Variants in SCN8A observed in about 807,000 individuals in gnomAD.
SCN8A encodes sodium voltage-gated channel alpha subunit 8, also known as sodium channel protein type 8 subunit alpha.
In SCN8A, 30 loss-of-function variants were observed where a neutral mutation model predicts 184.1. The observed-to-expected ratio is 0.16, with a 90% CI of 0.12 to 0.22. The LOEUF (loss-of-function observed/expected upper bound fraction) is 0.22, where lower values mean the gene tolerates loss of function less well. Ranked by LOEUF, SCN8A falls within the 10% of genes least tolerant of loss-of-function variation. The pLI, the probability that SCN8A is intolerant of heterozygous loss-of-function variation, is 1.00. For synonymous variants in SCN8A, 852 were observed against 907.0 expected (o/e 0.94, Z 1.09); for missense variants, 1,057 against 2,498.9 (o/e 0.42, Z 12.30).
At chr12:51,783,538 A>G (rs942724250) in intron 21 of SCN8A, among the ~76,000 whole-genome samples, 1 of 152,192 alleles carries the variant, frequency 6.6e-6, no homozygotes, top group Non-Finnish European at 1.5e-5. Flanking sequence ...CTCAAACCAA[A>G]GACCAGGAAA....
intron 25 of SCN8A, among the ~76,000 whole-genome samples, chr12:51,791,293 T>C (rs972062693): frequency 1.1e-4 from 17 of 152,294 alleles, no homozygotes; most frequent in African/African-American, 3.8e-4. Context: ...AGAGTGACTA[T>C]GTTTGAATCA....
chr12:51,743,797 A>G (rs1942465266), intron 12 of SCN8A, among the ~76,000 whole-genome samples: 1 of 152,186 alleles, frequency 6.6e-6, no homozygotes, highest in African/African-American at 2.4e-5. Flanking sequence ...GGGTACAGAC[A>G]TGTTGTCCGG....
intron 13 of SCN8A, among the ~76,000 whole-genome samples, chr12:51,750,452 G>T (rs1432581836): frequency 6.6e-6 from 1 of 152,196 alleles, no homozygotes; most frequent in Non-Finnish European, 1.5e-5. Context: ...GGGCAAGAAA[G>T]AAGGAGACAG....
chr12:51,601,855 GTTT>G lies in SCN8A; in HGVS notation c.-55+10519_-55+10521del, dbSNP rs938674707. Among the ~76,000 whole-genome samples, 590 of 109,726 alleles carry G rather than the reference GTTT, an allele frequency of 5.4e-3. 4 individuals carry two copies. Among genetic ancestry groups the G allele is most frequent in the African/African-American group, 0.016 (447 of 27,552 alleles). The allele number at this position is 109,726 out of a possible 152,430, so 72.0% of individuals were successfully genotyped here. A position where few individuals can be genotyped will look rare whatever the true frequency, so the allele number is the denominator to read the frequency against. On this transcript the variant is annotated intron_variant, in intron 1 of 26. Transcript: ENST00000627620. The stretch of plus-strand genomic sequence containing the variant: ...GCCAAGGGTGGTGCTCAGAGAAAGG[GTTT>G]TTTTTTTTTTTTTTTTTTTTTTAAG...
intron 23 of SCN8A, 107 bp from the exon 24 acceptor site, chr12:51,789,174 C>T: frequency 8.0e-7 from 1 of 1,242,314 alleles, no homozygotes; most frequent in Non-Finnish European, 1.1e-6. Context: ...CTCTCCCACC[C>T]CAAGATGTTT....
chr12:51,640,095 A>T lies in SCN8A; in HGVS notation c.-54-22669A>T, dbSNP rs544588127. The stretch of plus-strand genomic sequence containing the variant: ...ATTTTTTTTAAGTTTTTTTTTTTTT[A>T]AAACACAGGATCTCACTGTTGCCCA... On this transcript the variant is annotated intron_variant, in intron 1 of 26. Transcript: ENST00000627620. 1.7e-3 allele frequency among the ~76,000 whole-genome samples: 237 copies of T among 142,928 alleles called. 2 individuals are homozygous for T. The South Asian group carries it at 0.029, about 17-fold the overall frequency. The allele number at this position is 142,928 out of a possible 152,430, so 93.8% of individuals were successfully genotyped here. A position where few individuals can be genotyped will look rare whatever the true frequency, so the allele number is the denominator to read the frequency against.
chr12:51,794,260 AT>A, intron 25 of SCN8A, 110 bp from the exon 26 acceptor site: 1 of 998,726 alleles, frequency 1.0e-6, no homozygotes, highest in South Asian at 1.6e-5. Flanking sequence ...GCTGACCAGT[AT>A]TACAGAAAAG....
intron 18 of SCN8A, chr12:51,770,277 CT>C: frequency 1.7e-6 from 1 of 590,316 alleles, no homozygotes; most frequent in Non-Finnish European, 3.0e-6. Flanking sequence ...CCTGACTACC[CT>C]TTTCTCCTCC....
intron 1 of SCN8A, among the ~76,000 whole-genome samples, chr12:51,610,398 G>C (rs149725857): frequency 6.6e-6 from 1 of 152,090 alleles, no homozygotes; most frequent in Non-Finnish European, 1.5e-5. Context: ...GTGAGGTACC[G>C]TTGCATTCAT....
At chr12:51,633,870 A>T (rs1205585426) in intron 1 of SCN8A, among the ~76,000 whole-genome samples, 4 of 152,212 alleles carry the variant, frequency 2.6e-5, no homozygotes, top group African/African-American at 9.7e-5. Flanking sequence ...TCTTATTTTT[A>T]AAAATATTTG....
At chr12:51,660,740 C>T (rs1038756476) in intron 1 of SCN8A, among the ~76,000 whole-genome samples, 1 of 152,082 alleles carries the variant, frequency 6.6e-6, no homozygotes, top group Non-Finnish European at 1.5e-5. Flanking sequence ...GGAGATTGAA[C>T]GAGTTAATAC....
intron 1 of SCN8A, among the ~76,000 whole-genome samples, chr12:51,635,876 G>C (rs1592344195): frequency 6.6e-6 from 1 of 152,098 alleles, no homozygotes; most frequent in Non-Finnish European, 1.5e-5. Flanking sequence ...CATACGTATA[G>C]AAAAATGCAA....
At position 51,807,305 on chromosome 12, in the gene SCN8A, C is replaced by A; in HGVS notation, c.5819C>A (p.Ser1940Tyr). 1.2e-6 allele frequency: 2 copies of A among 1,613,934 alleles called. No homozygotes were observed. The highest frequency in any genetic ancestry group is 1.7e-6 in the Non-Finnish European group (2 of 1,179,856). Residue 1940 changes from serine to tyrosine, a missense_variant, in exon 27 of 27, where the codon TCT becomes TAT. By Grantham distance (144) the Ser-to-Tyr change is moderately radical. This residue lies in a region of SCN8A where 95 missense variants were observed against 140.2 expected (regional missense o/e 0.68). Transcript: ENST00000627620. The surrounding 1 kb of genome is among the most constrained non-coding windows in gnomAD (Gnocchi z 4.5). ...THREKKESTP[S>Y]TASLPSYDSV... ...CGGGAGAAAAAAGAGAGCACCCCATCTACAGCCTCCCTCCCGTCCTATGAC... is the reference window on the plus strand; with the variant it reads ...CGGGAGAAAAAAGAGAGCACCCCATATACAGCCTCCCTCCCGTCCTATGAC...
intron 1 of SCN8A, among the ~76,000 whole-genome samples, chr12:51,627,244 T>C (rs1050141908): frequency 1.3e-5 from 2 of 152,232 alleles, no homozygotes; most frequent in Non-Finnish European, 2.9e-5. Flanking sequence ...AGAACAGGGT[T>C]CATGATTACA....
At chr12:51,609,213 T>A (rs1211440966) in intron 1 of SCN8A, among the ~76,000 whole-genome samples, 1 of 152,254 alleles carries the variant, frequency 6.6e-6, no homozygotes, top group Non-Finnish European at 1.5e-5. Context: ...ATTCTGTGGT[T>A]GTTGGATGAA....
At chr12:51,784,956 G>A (rs186996109) in intron 21 of SCN8A, among the ~76,000 whole-genome samples, 8 of 152,268 alleles carry the variant, frequency 5.3e-5, no homozygotes, top group Admixed American at 4.6e-4. Context: ...CATTTGTAAT[G>A]GTCTAACAGA....
chr12:51,806,224 T>A lies in SCN8A; in HGVS notation c.4796-58T>A. Reference sequence around the variant, plus strand: ...GTTCCACAATGCCAGGTAAAAAAAATAAAGAGAAAGGGTGTCTCCCATCTC... The same window carrying A: ...GTTCCACAATGCCAGGTAAAAAAAAAAAAGAGAAAGGGTGTCTCCCATCTC... On this transcript the variant is annotated intron_variant, in intron 26 of 26. Coordinates refer to ENST00000627620, the MANE Select transcript of SCN8A (RefSeq NM_001330260.2). This position sits in a 1 kb window ranked among gnomAD's most constrained non-coding sequence, Gnocchi z 8.7. 8 of 1,455,188 alleles carry A rather than the reference T, an allele frequency of 5.5e-6. No individual in the cohort carries two copies. In the South Asian group the frequency reaches 1.3e-4, roughly 23 times the overall value. The allele number at this position is 1,455,188 out of a possible 1,614,324, so 90.1% of individuals were successfully genotyped here.
Position 51,770,476 on chromosome 12 carries a change from G to A in SCN8A, c.3491-53G>A, listed in dbSNP as rs1442924802. On this transcript the variant is annotated intron_variant, in intron 18 of 26. Coordinates refer to ENST00000627620, the MANE Select transcript of SCN8A (RefSeq NM_001330260.2). ...GCCTGGGAGATGGAGGAGAGGGCAG[G>A]TCTGGGCGGGGCACGTTTCCACGGT... 9 of 1,508,034 alleles carry A rather than the reference G, an allele frequency of 6.0e-6. No homozygotes were observed. In the Admixed American group the frequency reaches 6.1e-5, roughly 10 times the overall value. The allele number at this position is 1,508,034 out of a possible 1,614,324, so 93.4% of individuals were successfully genotyped here. A position where few individuals can be genotyped will look rare whatever the true frequency, so the allele number is the denominator to read the frequency against.
At chr12:51,706,127 T>C (rs1258485584) in intron 10 of SCN8A, among the ~76,000 whole-genome samples, 1 of 152,232 alleles carries the variant, frequency 6.6e-6, no homozygotes, top group African/African-American at 2.4e-5. Context: ...ATAATGTTAC[T>C]TAGCATTCAT....
Sources: gnomAD v4.1 joint callset for allele counts (sites outside exome capture counted in the v4.1 genomes callset) on GRCh38, gnomAD v4.1.1 for gene constraint, gnomAD v4.1.1 regional missense constraint, Gnocchi (gnomAD v3.1) non-coding constraint, MANE v1.5 for transcripts, NCBI Gene and HGNC (gene_info 2026-07-23, HGNC 2026-07-21) for gene names.